EPHA6: variants seen among roughly 807,000 people sequenced by gnomAD.
The protein encoded by EPHA6 is ephrin type-A receptor 6.
Under a neutral mutation model 112.0 loss-of-function variants are expected in EPHA6, and 50 were observed. That is an observed-to-expected ratio of 0.45 (90% CI 0.36 to 0.56). EPHA6 has a LOEUF of 0.56. Among genes scored for constraint, EPHA6 ranks in the 20% least tolerant of loss-of-function variants. The probability of loss-of-function intolerance (pLI) is 0.00; values close to 1 mark genes in which losing one functional copy is unlikely to be tolerated. For synonymous variants in EPHA6, 529 were observed against 490.7 expected (o/e 1.08, Z -1.03); for missense variants, 1,280 against 1,417.4 (o/e 0.90, Z 1.56).
intron 3 of EPHA6, among the ~76,000 whole-genome samples, chr3:96,998,310 A>C (rs749119363): frequency 1.3e-4 from 19 of 151,946 alleles, no homozygotes; most frequent in Non-Finnish European, 2.1e-4. Context: ...TGAAATTAAT[A>C]TGTATATATA....
chr3:97,178,473 C>T (rs1416719641), intron 3 of EPHA6, among the ~76,000 whole-genome samples: 3 of 152,150 alleles, frequency 2.0e-5, no homozygotes, highest in South Asian at 2.1e-4. Flanking sequence ...CTATTCATTG[C>T]TCATTGATGT....
chr3:97,712,343 C>G (rs2034010772), intron 14 of EPHA6, among the ~76,000 whole-genome samples: 1 of 152,082 alleles, frequency 6.6e-6, no homozygotes, highest in South Asian at 2.1e-4. Context: ...GTACTGCTAT[C>G]CAGATAAGAG....
chr3:97,564,899 A>G (rs1560142946), intron 11 of EPHA6, among the ~76,000 whole-genome samples: 1 of 152,182 alleles, frequency 6.6e-6, no homozygotes, highest in African/African-American at 2.4e-5. Context: ...TCTGGCATAT[A>G]TGGCACCTCG....
chr3:96,943,739 T>A (rs2041101962), intron 2 of EPHA6, among the ~76,000 whole-genome samples: 1 of 152,184 alleles, frequency 6.6e-6, no homozygotes, highest in African/African-American at 2.4e-5. Flanking sequence ...ATTACTGTAG[T>A]CCCAGCTACT....
chr3:97,101,545 T>A (rs1278271524), intron 3 of EPHA6, among the ~76,000 whole-genome samples: 1 of 151,968 alleles, frequency 6.6e-6, no homozygotes, highest in Non-Finnish European at 1.5e-5. Flanking sequence ...CCATTTGGAG[T>A]TCCTGTTCAT....
At chr3:96,942,839 A>G (rs566588317) in intron 2 of EPHA6, among the ~76,000 whole-genome samples, 3 of 152,098 alleles carry the variant, frequency 2.0e-5, no homozygotes, top group African/African-American at 4.8e-5. Context: ...GAACTCTGGG[A>G]TACAAACCAG....
intron 1 of EPHA6, among the ~76,000 whole-genome samples, chr3:96,848,947 T>C (rs1189562707): frequency 6.6e-6 from 1 of 152,132 alleles, no homozygotes; most frequent in African/African-American, 2.4e-5. Flanking sequence ...ATTTGGCTTT[T>C]TGGTCTATGT....
intron 3 of EPHA6, among the ~76,000 whole-genome samples, chr3:97,190,855 C>T (rs2077285491): frequency 6.6e-6 from 1 of 151,762 alleles, no homozygotes; most frequent in East Asian, 1.9e-4. Flanking sequence ...TACCCTAAAA[C>T]TTAAAGTATA....
intron 14 of EPHA6, among the ~76,000 whole-genome samples, chr3:97,640,804 T>C (rs1034045147): frequency 6.6e-6 from 1 of 151,708 alleles, no homozygotes; most frequent in African/African-American, 2.4e-5. Context: ...AAGATATTAT[T>C]GAAACAGTGT....
At chr3:97,084,109 T>TCC (rs1253715659) in intron 3 of EPHA6, among the ~76,000 whole-genome samples, 2,324 of 122,764 alleles carry the variant, frequency 0.019, 88 homozygotes, top group African/African-American at 0.07. Context: ...TGGATATATA[T>TCC]ATATATATAT....
At chr3:97,101,225 A>G (rs2047394141) in intron 3 of EPHA6, among the ~76,000 whole-genome samples, 2 of 152,060 alleles carry the variant, frequency 1.3e-5, no homozygotes, top group South Asian at 4.1e-4. Context: ...TGAATTAATT[A>G]GAACATATTA....
chr3:97,098,665 A>G lies in EPHA6; in HGVS notation c.1114+110672A>G, dbSNP rs1020841800. ...ACTTTTTCAAAAACCCTTATGACAA[A>G]GAAGTCAGTAAAGTGGAAAAAGGTA... On this transcript the variant is annotated intron_variant, in intron 3 of 17. Transcript: ENST00000389672. Among the ~76,000 whole-genome samples the G allele has an allele frequency of 2.0e-5, 3 of 151,874 alleles. No individual in the cohort carries two copies. The Admixed American group carries it at 2.0e-4, about 10-fold the overall frequency.
intron 2 of EPHA6, among the ~76,000 whole-genome samples, chr3:96,894,657 C>T (rs372025736): frequency 2.0e-5 from 3 of 151,954 alleles, no homozygotes; most frequent in South Asian, 2.1e-4. Flanking sequence ...GAAGACATAC[C>T]GAGAATGTAT....
chr3:97,374,644 C>T (rs904012211), intron 5 of EPHA6, among the ~76,000 whole-genome samples: 7 of 151,972 alleles, frequency 4.6e-5, no homozygotes, highest in Non-Finnish European at 1.0e-4. Flanking sequence ...GTTTTTCAAC[C>T]CTTGTCCTGC....
At chr3:97,149,898 G>A (rs184566287) in intron 3 of EPHA6, among the ~76,000 whole-genome samples, 22 of 150,224 alleles carry the variant, frequency 1.5e-4, no homozygotes, top group Non-Finnish European at 2.5e-4. Context: ...ATAAAAAACA[G>A]ATTTTGTCAG....
chr3:97,378,796 AG>A (rs1325569358), intron 5 of EPHA6, among the ~76,000 whole-genome samples: 3 of 152,116 alleles, frequency 2.0e-5, no homozygotes, highest in Non-Finnish European at 4.4e-5. Context: ...GTATTTGCTC[AG>A]TACTTGTACC....
intron 14 of EPHA6, chr3:97,646,299 A>G (rs914343171): frequency 9.2e-6 from 14 of 1,524,806 alleles, no homozygotes; most frequent in Non-Finnish European, 1.1e-5. Flanking sequence ...CAAGAGAGAT[A>G]ACCCTCCAAC....
intron 15 of EPHA6, among the ~76,000 whole-genome samples, chr3:97,725,582 T>A (rs2034725608): frequency 6.6e-6 from 1 of 152,168 alleles, no homozygotes. Flanking sequence ...CATCACTGTA[T>A]TCTAATGAGG....
Position 97,754,533 on chromosome 3 carries a change from A to C in EPHA6, c.*5832A>C, listed in dbSNP as rs964485464. On this transcript the variant is annotated 3_prime_UTR_variant, in exon 18 of 18. Transcript: ENST00000389672. Reference sequence around the variant, plus strand: ...CAGTGGCAATCCAAAATTACATTTTAAAATGAAAAAAAGAGAAAACTTTTC... The same window carrying C: ...CAGTGGCAATCCAAAATTACATTTTCAAATGAAAAAAAGAGAAAACTTTTC... Among the ~76,000 whole-genome samples, 6 of 152,364 alleles carry C rather than the reference A, an allele frequency of 3.9e-5. No homozygotes were observed. Among genetic ancestry groups the C allele is most frequent in the African/African-American group, 1.2e-4 (5 of 41,596 alleles).
Sources: gnomAD v4.1 joint callset for allele counts (sites outside exome capture counted in the v4.1 genomes callset) on GRCh38, gnomAD v4.1.1 for gene constraint, MANE v1.5 for transcripts, NCBI Gene and HGNC (gene_info 2026-07-23, HGNC 2026-07-21) for gene names.